Variants in DRC8 observed in about 807,000 individuals in gnomAD.
DRC8 encodes the protein dynein regulatory complex subunit 8, also known as dynein regulatory complex protein 8.
At chr1:245,033,265 C>T in the DRC8 span, among the ~76,000 whole-genome samples, 3 of 152,302 alleles carry the variant, frequency 2.0e-5, no homozygotes, top group Non-Finnish European at 2.9e-5. Context: ...GCTTATGGGC[C>T]TTAGCCACAC....
At chr1:244,996,874 T>C in the DRC8 span, among the ~76,000 whole-genome samples, 1 of 152,200 alleles carries the variant, frequency 6.6e-6, no homozygotes, top group East Asian at 1.9e-4. Context: ...CCTTGGCATG[T>C]GGCGGGGATA....
At chr1:245,005,356 A>T in the DRC8 span, among the ~76,000 whole-genome samples, 34 of 143,800 alleles carry the variant, frequency 2.4e-4, no homozygotes, top group Middle Eastern at 3.6e-3. Flanking sequence ...ATTGGTATTA[A>T]TTTTTTTTTT....
At chr1:245,002,255 C>T in the DRC8 span, 33 of 1,566,070 alleles carry the variant, frequency 2.1e-5, no homozygotes, top group South Asian at 3.8e-4. Flanking sequence ...CATACCTCCT[C>T]CCCATCACTG....
the DRC8 span, among the ~76,000 whole-genome samples, chr1:245,037,347 A>G: frequency 2.6e-5 from 4 of 152,226 alleles, no homozygotes; most frequent in Non-Finnish European, 5.9e-5. Flanking sequence ...AAGTTTATTA[A>G]TGTAATTCAT....
chr1:245,084,173 C>T, the DRC8 span, among the ~76,000 whole-genome samples: 1 of 151,040 alleles, frequency 6.6e-6, no homozygotes, highest in African/African-American at 2.4e-5. Context: ...CCTCCGCCTC[C>T]TGGGTTCAAG....
chr1:245,109,585 A>G, the DRC8 span, among the ~76,000 whole-genome samples: 2 of 152,378 alleles, frequency 1.3e-5, no homozygotes, highest in Middle Eastern at 3.4e-3. Flanking sequence ...GGCCGCACGT[A>G]CTGGGCACCT....
the DRC8 span, among the ~76,000 whole-genome samples, chr1:245,094,615 A>T: frequency 6.6e-6 from 1 of 152,176 alleles, no homozygotes; most frequent in Admixed American, 6.5e-5. Flanking sequence ...AAATTAAAAC[A>T]AATCCTGGTT....
chr1:245,007,354 A>G, the DRC8 span, among the ~76,000 whole-genome samples: 3 of 152,222 alleles, frequency 2.0e-5, no homozygotes, highest in Admixed American at 2.0e-4. Context: ...TTTAGTATGA[A>G]AAAAATACCT....
chr1:245,113,880 A>T, the DRC8 span, among the ~76,000 whole-genome samples: 1 of 152,096 alleles, frequency 6.6e-6, no homozygotes, highest in Non-Finnish European at 1.5e-5. Flanking sequence ...CTAGCAAGTG[A>T]TGACGTGGGG....
At chr1:245,059,466 C>T in the DRC8 span, 10 of 1,608,326 alleles carry the variant, frequency 6.2e-6, no homozygotes, top group African/African-American at 2.7e-5. Flanking sequence ...GAGGTGAGTA[C>T]GGCGAAAAGG....
the DRC8 span, among the ~76,000 whole-genome samples, chr1:244,998,379 T>A: frequency 1.3e-5 from 2 of 152,102 alleles, no homozygotes; most frequent in African/African-American, 4.8e-5. Context: ...TGGCTAATTT[T>A]AAAATTTTAT....
the DRC8 span, among the ~76,000 whole-genome samples, chr1:244,985,863 CA>C: frequency 0.61 from 83,201 of 137,418 alleles, 24,220 homozygotes; most frequent in East Asian, 0.75. Context: ...GACTCCATCT[CA>C]AAAAAAAAAA....
the DRC8 span, chr1:244,969,894 GGGA>G: frequency 4.4e-6 from 2 of 454,012 alleles, no homozygotes; most frequent in Non-Finnish European, 7.7e-6. Flanking sequence ...AATGGGAAGC[GGGA>G]GGAGGAGGCC....
the DRC8 span, among the ~76,000 whole-genome samples, chr1:245,038,340 G>C: frequency 6.6e-6 from 1 of 152,096 alleles, no homozygotes; most frequent in Admixed American, 6.5e-5. Flanking sequence ...CATGGTGGCA[G>C]GCGCCTGTAG....
the DRC8 span, among the ~76,000 whole-genome samples, chr1:245,036,095 G>C: frequency 6.6e-6 from 1 of 152,216 alleles, no homozygotes; most frequent in East Asian, 1.9e-4. Flanking sequence ...GGAAGATAAA[G>C]AGACAAGCCA....
chr1:244,981,666 A>T, the DRC8 span, among the ~76,000 whole-genome samples: 1 of 152,116 alleles, frequency 6.6e-6, no homozygotes, highest in Non-Finnish European at 1.5e-5. Context: ...ATTTTGACAA[A>T]TTGGTGGAGG....
chr1:245,045,806 G>A, the DRC8 span, among the ~76,000 whole-genome samples: 5,265 of 152,042 alleles, frequency 0.035, 324 homozygotes, highest in African/African-American at 0.12. Context: ...ACCATTCAGA[G>A]GCCGGAGTGA....
the DRC8 span, among the ~76,000 whole-genome samples, chr1:245,094,394 T>G: frequency 6.6e-6 from 1 of 152,144 alleles, no homozygotes; most frequent in Non-Finnish European, 1.5e-5. Context: ...AAATAACATC[T>G]GCAAATCCTT....
the DRC8 span, among the ~76,000 whole-genome samples, chr1:245,095,711 C>A: frequency 2.0e-5 from 3 of 152,172 alleles, no homozygotes; most frequent in Non-Finnish European, 4.4e-5. Context: ...CCTCATACTT[C>A]ATAATTTAAA....
Sources: gnomAD v4.1 joint callset for allele counts (sites outside exome capture counted in the v4.1 genomes callset) on GRCh38, gnomAD v4.1.1 for gene constraint, MANE v1.5 for transcripts, NCBI Gene and HGNC (gene_info 2026-07-23, HGNC 2026-07-21) for gene names.